The following DHRSX variants were observed in gnomAD, a reference collection of about 807,000 sequenced individuals.
The protein encoded by DHRSX is dehydrogenase/reductase X-linked, also known as polyprenol dehydrogenase.
In DHRSX, 31 loss-of-function variants were observed where a neutral mutation model predicts 34.0. The observed-to-expected ratio is 0.91, with a 90% confidence interval of 0.69 to 1.23. The LOEUF is 1.23. DHRSX is among the 50% of genes most tolerant of loss of function. The pLI is 0.00. For missense variants in DHRSX, 414 were observed against 428.1 expected, an observed-to-expected ratio of 0.97 and a Z score of 0.29; for synonymous variants, 201 against 183.8, an observed-to-expected ratio of 1.09 and a Z score of -0.76.
At chrX:2,331,463 T>G (rs1191251591) in intron 3 of DHRSX, among the ~76,000 whole-genome samples, 3 of 123,624 alleles carry the variant, frequency 2.4e-5, no homozygotes, top group African/African-American at 6.0e-5. Flanking sequence ...TTTTTTTTTT[T>G]TGAGACGGAG....
chrX:2,423,847 G>C (rs2043810714), intron 2 of DHRSX, among the ~76,000 whole-genome samples: 1 of 152,156 alleles, frequency 6.6e-6, no homozygotes, highest in Non-Finnish European at 1.5e-5. Context: ...AGAGGAGTCA[G>C]AGATCACGAT....
rs1254886422 is a variant in DHRSX, at chrX:2,344,973, T to C, written c.287-53370A>G. On this transcript the variant is annotated intron_variant, in intron 3 of 6. Transcript: ENST00000334651. Reference sequence around the variant, plus strand: ...ATGTAAAAATTTTGAATTTTATAAATTTGAATATGACTTGGCCTGTGACAG... The same window carrying C: ...ATGTAAAAATTTTGAATTTTATAAACTTGAATATGACTTGGCCTGTGACAG... 5.3e-5 allele frequency among the ~76,000 whole-genome samples: 8 copies of C among 149,752 alleles called. No individual in the cohort carries two copies. In the East Asian group the frequency reaches 1.6e-3, roughly 30 times the overall value.
intron 3 of DHRSX, among the ~76,000 whole-genome samples, chrX:2,304,323 G>A (rs2042073868): frequency 6.7e-6 from 1 of 149,906 alleles, no homozygotes; most frequent in South Asian, 2.1e-4. Flanking sequence ...ATGGATGGAT[G>A]GATGGATGGA....
At chrX:2,294,661 T>A in intron 3 of DHRSX, among the ~76,000 whole-genome samples, 2 of 87,542 alleles carry the variant, frequency 2.3e-5, no homozygotes, top group Non-Finnish European at 5.6e-5. Context: ...CAAGACTCTG[T>A]CTCAAAAAAA....
At chrX:2,357,760 C>G (rs1464612757) in intron 3 of DHRSX, among the ~76,000 whole-genome samples, 1 of 149,530 alleles carries the variant, frequency 6.7e-6, no homozygotes, top group Non-Finnish European at 1.5e-5. Context: ...CCCAGACACA[C>G]ACACACACTA....
intron 1 of DHRSX, among the ~76,000 whole-genome samples, chrX:2,455,991 G>A (rs1309642639): frequency 1.3e-5 from 2 of 151,890 alleles, no homozygotes; most frequent in East Asian, 1.9e-4. Flanking sequence ...ACCTGGCTCC[G>A]TCACTGATCA....
rs1192012340 is a variant in DHRSX, at chrX:2,221,041, T to G, written c.993A>C (p.Ter331CysextTer6). 6.2e-7 allele frequency: 1 copy of G among 1,613,610 alleles called. No individual in the cohort carries two copies. Residue 331 changes from the stop codon to cysteine, a stop_lost, in exon 7 of 7, where the codon TGA becomes TGC. Coordinates refer to ENST00000334651, the MANE Select transcript of DHRSX (RefSeq NM_145177.3). ...GCAGCAGCTATCCTGAGACAGGATA[T>G]CACAGGGTCACATCAAGGACCCCAG... ...EMTGVLDVTL* is the reference protein window; with the variant it reads ...EMTGVLDVTLC
At chrX:2,247,842 C>G (rs1417180787) in intron 5 of DHRSX, among the ~76,000 whole-genome samples, 1 of 152,084 alleles carries the variant, frequency 6.6e-6, no homozygotes, top group Admixed American at 6.6e-5. Context: ...ACCCTCCTGT[C>G]TCTCAGACCC....
chrX:2,336,604 G>T lies in DHRSX; in HGVS notation c.287-45001C>A, dbSNP rs1438591711. Among the ~76,000 whole-genome samples the T allele has an allele frequency of 1.9e-3, 272 of 143,434 alleles. 1 individual carries two copies. Among genetic ancestry groups the T allele is most frequent in the Non-Finnish European group, 3.5e-3 (226 of 65,302 alleles). The allele number at this position is 143,434 out of a possible 152,430, so 94.1% of individuals were successfully genotyped here. On this transcript the variant is annotated intron_variant, in intron 3 of 6. Coordinates refer to ENST00000334651, the MANE Select transcript of DHRSX (RefSeq NM_145177.3). ...TTCACGGTATTTTGTTTTTTGTTTT[G>T]TTTTTTTTTTTTGAGACGGAGTTTT...
Position 2,333,119 on chromosome X carries a change from TG to T in DHRSX, c.287-41517del, listed in dbSNP as rs368342592. Among the ~76,000 whole-genome samples, 313 of 152,362 alleles carry T rather than the reference TG, an allele frequency of 2.1e-3. 3 individuals are homozygous for T. The highest frequency in any genetic ancestry group is 7.2e-3 in the African/African-American group (300 of 41,580). On this transcript the variant is annotated intron_variant, in intron 3 of 6. Coordinates refer to ENST00000334651, the MANE Select transcript of DHRSX (RefSeq NM_145177.3). Reference sequence around the variant, plus strand: ...TGGACACAATACTCAAGCTTCCCATTGGTGTCAATGTTTACATTCACGATGG... The same window carrying T: ...TGGACACAATACTCAAGCTTCCCATTGTGTCAATGTTTACATTCACGATGG...
chrX:2,464,205 G>C (rs765844191), intron 1 of DHRSX, among the ~76,000 whole-genome samples: 1 of 150,710 alleles, frequency 6.6e-6, no homozygotes, highest in Non-Finnish European at 1.5e-5. Context: ...CTAAGGGACC[G>C]CCGTGTACAC....
chrX:2,228,520 AAAGG>A (rs920553947), intron 6 of DHRSX, among the ~76,000 whole-genome samples: 17 of 126,382 alleles, frequency 1.3e-4, no homozygotes, highest in African/African-American at 4.7e-4. Flanking sequence ...AAGGGAGGCA[AAAGG>A]AAGGACTGGA....
intron 1 of DHRSX, among the ~76,000 whole-genome samples, chrX:2,436,576 C>T (rs2043994829): frequency 6.6e-6 from 1 of 151,454 alleles, no homozygotes; most frequent in South Asian, 2.1e-4. Flanking sequence ...TCACTGCAGC[C>T]TCAAACTCCC....
chrX:2,323,564 A>G (rs1218710604), intron 3 of DHRSX, among the ~76,000 whole-genome samples: 2 of 152,122 alleles, frequency 1.3e-5, no homozygotes, highest in South Asian at 4.1e-4. Flanking sequence ...GGAGTTTAAG[A>G]CCAGCCTGAG....
chrX:2,483,909 G>A (rs2044815612), intron 1 of DHRSX, among the ~76,000 whole-genome samples: 1 of 151,952 alleles, frequency 6.6e-6, no homozygotes, highest in South Asian at 2.1e-4. Context: ...TAATGGTTGG[G>A]GGAAAAAAAG....
intron 3 of DHRSX, among the ~76,000 whole-genome samples, chrX:2,307,241 T>C (rs1286190510): frequency 1.3e-5 from 2 of 152,110 alleles, no homozygotes; most frequent in Non-Finnish European, 2.9e-5. Context: ...TGTTCTCAAT[T>C]ATACATAGGA....
At chrX:2,303,755 GGATA>G (rs2042044919) in intron 3 of DHRSX, among the ~76,000 whole-genome samples, 4 of 143,848 alleles carry the variant, frequency 2.8e-5, no homozygotes, top group African/African-American at 1.0e-4. Context: ...TGGATGGATT[GGATA>G]GATGGATGGA....
At chrX:2,370,851 C>T (rs2043049823) in intron 3 of DHRSX, among the ~76,000 whole-genome samples, 1 of 152,194 alleles carries the variant, frequency 6.6e-6, no homozygotes. Flanking sequence ...AGCAACGCTT[C>T]CTTAGGACCT....
intron 4 of DHRSX, among the ~76,000 whole-genome samples, chrX:2,276,592 G>A (rs954681237): frequency 2.0e-5 from 3 of 151,998 alleles, no homozygotes; most frequent in African/African-American, 4.8e-5. Flanking sequence ...GGGAGTGAAC[G>A]CTCAGGGTCA....
Sources: allele counts gnomAD v4.1 joint callset (sites outside exome capture counted in the v4.1 genomes callset), GRCh38; gene constraint gnomAD v4.1.1; transcripts MANE v1.5; gene names NCBI Gene and HGNC (gene_info 2026-07-23, HGNC 2026-07-21).